FSTL1: variants seen among roughly 807,000 people sequenced by gnomAD.
The protein encoded by FSTL1 is follistatin like 1.
A neutral mutation model predicts 45.9 loss-of-function variants in FSTL1; 24 were observed. The ratio of observed to expected loss-of-function variants is 0.52; its 90% confidence interval spans 0.38 to 0.74. FSTL1 has a LOEUF of 0.74. FSTL1 is among the 30% of genes least tolerant of loss of function. FSTL1 has a pLI of 0.00. For missense variants in FSTL1, 340 were observed against 381.8 expected, an observed-to-expected ratio of 0.89 and a Z score of 0.91; for synonymous variants, 120 against 137.6, an observed-to-expected ratio of 0.87 and a Z score of 0.89.
chr3:120,411,032 G>C lies in FSTL1; in HGVS notation c.299-48C>G, dbSNP rs555588487. Reference sequence around the variant, plus strand: ...GTGTAATGCGAAGTGAAGGAAAAAAGAAAATTTTTCTGTATTTCTAGGATT... The same window carrying C: ...GTGTAATGCGAAGTGAAGGAAAAAACAAAATTTTTCTGTATTTCTAGGATT... On this transcript the variant is annotated intron_variant, in intron 4 of 10. Coordinates refer to ENST00000295633, the MANE Select transcript of FSTL1 (RefSeq NM_007085.5). The C allele has an allele frequency of 7.5e-6, 11 of 1,467,318 alleles. No individual in the cohort carries two copies. In the South Asian group the frequency reaches 1.1e-4, roughly 15 times the overall value. The allele number at this position is 1,467,318 out of a possible 1,614,324, so 90.9% of individuals were successfully genotyped here.
chr3:120,393,222 G>T lies in FSTL1; in HGVS notation c.*3730C>A, dbSNP rs185904387. On this transcript the variant is annotated 3_prime_UTR_variant, in exon 11 of 11. Transcript: ENST00000295633. ...CCTTTTAATATTTGATTAGCATTTG[G>T]GTAATATCCCAAATCCAATCAAAGT... 1 of 152,192 alleles carries T rather than the reference G, an allele frequency of 6.6e-6. No homozygotes were observed. The highest frequency in any genetic ancestry group is 1.5e-5 in the Non-Finnish European group (1 of 67,994). The allele number at this position is 152,192 out of a possible 1,614,324, so 9.4% of individuals were successfully genotyped here. A position where few individuals can be genotyped will look rare whatever the true frequency, so the allele number is the denominator to read the frequency against.
At chr3:120,412,408 C>T (rs1162752167) in intron 3 of FSTL1, among the ~76,000 whole-genome samples, 1 of 152,226 alleles carries the variant, frequency 6.6e-6, no homozygotes, top group Non-Finnish European at 1.5e-5. Context: ...GCATTTGGCC[C>T]TTTGGCCCTT....
At position 120,394,290 on chromosome 3, in the gene FSTL1, T is replaced by A. The variant is rs1936650855; in HGVS notation, c.*2662A>T. ...AACCAATAAAACCATCACTTTAATT[T>A]CTTTATTCATCAATAGTATCCGAAA... On this transcript the variant is annotated 3_prime_UTR_variant, in exon 11 of 11. Coordinates refer to ENST00000295633, the MANE Select transcript of FSTL1 (RefSeq NM_007085.5). 6.6e-6 allele frequency: 1 copy of A among 152,204 alleles called. No individual in the cohort carries two copies. The highest frequency in any genetic ancestry group is 1.5e-5 in the Non-Finnish European group (1 of 68,040). The allele number at this position is 152,204 out of a possible 1,614,324, so 9.4% of individuals were successfully genotyped here. A position where few individuals can be genotyped will look rare whatever the true frequency, so the allele number is the denominator to read the frequency against.
intron 6 of FSTL1, 132 bp downstream of exon 6, chr3:120,409,400 T>TA: frequency 2.5e-6 from 2 of 792,786 alleles, no homozygotes; most frequent in Non-Finnish European, 2.1e-6. Context: ...ATGAATGATC[T>TA]ATGATGAGGA....
chr3:120,403,344 CA>C lies in FSTL1; in HGVS notation c.591del (p.Cys197TrpfsTer69). ...QENNKLLRGL[C>X]VDALIELSDE... ...TCAGACAGTTCAATGAGAGCATCAACACAGAGTCCCCTGAAACAAAACACAG... is the reference window on the plus strand; with the variant it reads ...TCAGACAGTTCAATGAGAGCATCAACCAGAGTCCCCTGAAACAAAACACAG... On this transcript the variant is annotated frameshift_variant, in exon 8 of 11. Coordinates refer to ENST00000295633, the MANE Select transcript of FSTL1 (RefSeq NM_007085.5). LOFTEE classifies it high-confidence loss of function. The C allele has an allele frequency of 6.3e-7, 1 of 1,592,700 alleles. No individual in the cohort carries two copies. Among genetic ancestry groups the C allele is most frequent in the Non-Finnish European group, 8.6e-7 (1 of 1,160,406 alleles).
intron 2 of FSTL1, among the ~76,000 whole-genome samples, chr3:120,434,979 G>A (rs542322034): frequency 2.6e-5 from 4 of 152,286 alleles, no homozygotes; most frequent in Non-Finnish European, 2.9e-5. Flanking sequence ...AGCACATTGG[G>A]AGGTTGAGTC....
chr3:120,411,067 C>A, intron 4 of FSTL1, 83 bp from the exon 5 acceptor site: 2 of 905,446 alleles, frequency 2.2e-6, no homozygotes, highest in South Asian at 3.2e-5. Context: ...TACAGCTGCT[C>A]TACATGTAGG....
At position 120,404,841 on chromosome 3, in the gene FSTL1, G is replaced by A. The variant is rs772823456; in HGVS notation, c.581+12C>T. 70 of 1,257,310 alleles carry A rather than the reference G, an allele frequency of 5.6e-5. No homozygotes were observed. Among genetic ancestry groups the A allele is most frequent in the Non-Finnish European group, 7.4e-5 (63 of 853,960 alleles). The allele number at this position is 1,257,310 out of a possible 1,614,324, so 77.9% of individuals were successfully genotyped here. A position where few individuals can be genotyped will look rare whatever the true frequency, so the allele number is the denominator to read the frequency against. ...CTTGTGGATCATTCTCTGACCTCTC[G>A]GTTCCTCTCACCTAAGCAACTTGTT... On this transcript the variant is annotated intron_variant, in intron 7 of 10. Coordinates refer to ENST00000295633, the MANE Select transcript of FSTL1 (RefSeq NM_007085.5).
rs765058093 is a variant in FSTL1, at chr3:120,411,900, G to A, written c.252C>T (p.Cys84=). ...LNHCELHRDA[C]LTGSKIQVDY... Reference sequence around the variant, plus strand: ...CAACCTGGATTTTGGATCCAGTGAGGCAGGCATCTCGATGCAGTTCACAGT... The same window carrying A: ...CAACCTGGATTTTGGATCCAGTGAGACAGGCATCTCGATGCAGTTCACAGT... Residue 84 remains cysteine, a synonymous_variant, in exon 4 of 11, where the codon TGC becomes TGT. Coordinates refer to ENST00000295633, the MANE Select transcript of FSTL1 (RefSeq NM_007085.5). 4 of 1,613,272 alleles carry A rather than the reference G, an allele frequency of 2.5e-6. No homozygotes were observed. The Admixed American group carries it at 5.0e-5, about 20-fold the overall frequency.
Position 120,450,624 on chromosome 3 carries a change from C to A in FSTL1, c.63+60G>T, listed in dbSNP as rs377258162. On this transcript the variant is annotated intron_variant, in intron 2 of 10. Transcript: ENST00000295633. Reference sequence around the variant, plus strand: ...TCCCCAGGACGCGCGCCCACCCGCCCAGCGCGCAGACCCAAGAGGCCCCGG... The same window carrying A: ...TCCCCAGGACGCGCGCCCACCCGCCAAGCGCGCAGACCCAAGAGGCCCCGG... 62 of 1,196,132 alleles carry A rather than the reference C, an allele frequency of 5.2e-5. 1 individual carries two copies. The East Asian group carries it at 8.7e-4, about 17-fold the overall frequency. The allele number at this position is 1,196,132 out of a possible 1,614,324, so 74.1% of individuals were successfully genotyped here.
chr3:120,411,084 T>C (rs1373761950), intron 4 of FSTL1, 100 bp from the exon 5 acceptor site: 2 of 766,506 alleles, frequency 2.6e-6, no homozygotes, highest in Non-Finnish European at 4.4e-6. Flanking sequence ...TAGGGGAATG[T>C]TTGTAACCTT....
intron 2 of FSTL1, among the ~76,000 whole-genome samples, chr3:120,440,388 C>T (rs771094850): frequency 3.3e-5 from 5 of 152,224 alleles, no homozygotes; most frequent in Non-Finnish European, 7.3e-5. Flanking sequence ...TGTTACCTAG[C>T]AGAAGTGTCT....
rs536265166 is a variant in FSTL1 at position 120,393,760 on chromosome 3, C to A, written c.*3192G>T. ...AAAGCAATGGTATTGAGAGGTGAGG[C>A]TCTTGGGAGATGATTAGGTCATCAA... On this transcript the variant is annotated 3_prime_UTR_variant, in exon 11 of 11. Coordinates refer to ENST00000295633, the MANE Select transcript of FSTL1 (RefSeq NM_007085.5). 2 of 152,320 alleles carry A rather than the reference C, an allele frequency of 1.3e-5. No homozygotes were observed. Among genetic ancestry groups the A allele is most frequent in the East Asian group, 3.9e-4 (2 of 5,182 alleles). The allele number at this position is 152,320 out of a possible 1,614,324, so 9.4% of individuals were successfully genotyped here.
At chr3:120,410,641 C>T (rs1480483671) in intron 5 of FSTL1, 15 of 465,822 alleles carry the variant, frequency 3.2e-5, no homozygotes, top group Admixed American at 1.0e-4. Context: ...TCCCATGACA[C>T]GAGCATGTCT....
intron 4 of FSTL1, chr3:120,411,358 GGGCAGGGCTATGGCTT>G (rs1937045594): frequency 4.5e-6 from 1 of 221,562 alleles, no homozygotes; most frequent in Non-Finnish European, 9.1e-6. Context: ...GAGAGGGGCT[GGGCAGGGCTATGGCTT>G]GGCAGGGGGC....
chr3:120,437,697 G>A (rs1008422250), intron 2 of FSTL1, among the ~76,000 whole-genome samples: 20 of 152,064 alleles, frequency 1.3e-4, no homozygotes, highest in Admixed American at 1.0e-3. Flanking sequence ...AACCTGTACT[G>A]TACCCTTACT....
intron 5 of FSTL1, 69 bp from the exon 6 acceptor site, chr3:120,409,731 G>A (rs1371523755): frequency 1.4e-6 from 2 of 1,468,758 alleles, no homozygotes; most frequent in Admixed American, 1.7e-5. Flanking sequence ...GGCACCCACT[G>A]TGTGGGAGCA....
At chr3:120,413,390 G>T (rs542512291) in intron 3 of FSTL1, among the ~76,000 whole-genome samples, 1 of 152,244 alleles carries the variant, frequency 6.6e-6, no homozygotes, top group African/African-American at 2.4e-5. Flanking sequence ...CTCAGGTTTG[G>T]TCTCAGCTCA....
rs1472216537 is a variant in FSTL1, at chr3:120,395,727, T to G, written c.*1225A>C. ...GGAACCTATCTCCCCTCTGGACCAA[T>G]GATCAGAACCACAGAATTTATAACT... is the stretch of plus-strand genomic sequence containing the variant. On this transcript the variant is annotated 3_prime_UTR_variant, in exon 11 of 11. Transcript: ENST00000295633. 1.9e-6 allele frequency: 1 copy of G among 534,532 alleles called. No individual in the cohort carries two copies. The highest frequency in any genetic ancestry group is 1.9e-5 in the Admixed American group (1 of 51,556). The allele number at this position is 534,532 out of a possible 1,614,324, so 33.1% of individuals were successfully genotyped here.
Sources: allele counts gnomAD v4.1 joint callset (sites outside exome capture counted in the v4.1 genomes callset), GRCh38; gene constraint gnomAD v4.1.1; transcripts MANE v1.5; gene names NCBI Gene and HGNC (gene_info 2026-07-23, HGNC 2026-07-21).